Variants in PVT1 observed in about 807,000 individuals in gnomAD.
PVT1 encodes CXCR4/PVT1 fusion.
rs541266880 is a variant in PVT1, at chr8:127,949,986, C to T, written n.783-39176C>T. Among the ~76,000 whole-genome samples the T allele has an allele frequency of 3.5e-4, 54 of 152,356 alleles. 1 individual carries two copies. The highest frequency in any genetic ancestry group is 3.4e-3 in the Middle Eastern group (1 of 294). On this transcript the variant is annotated intron_variant and non_coding_transcript_variant, in intron 3 of 10. Transcript: ENST00000651587. Reference sequence around the variant, plus strand: ...TGAGGCTGTCCCCTGCCTTCCCTGGCGGCCCGGGTTCCTGGAAAAGCTGTG... The same window carrying T: ...TGAGGCTGTCCCCTGCCTTCCCTGGTGGCCCGGGTTCCTGGAAAAGCTGTG...
At chr8:128,050,229 A>G (rs531655310) in intron 4 of PVT1, among the ~76,000 whole-genome samples, 1 of 152,090 alleles carries the variant, frequency 6.6e-6, no homozygotes, top group Non-Finnish European at 1.5e-5. Flanking sequence ...GTTTCCTTCC[A>G]TCCCTTCCCC....
chr8:127,955,012 G>C (rs1816552756), intron 3 of PVT1, among the ~76,000 whole-genome samples: 1 of 152,212 alleles, frequency 6.6e-6, no homozygotes, highest in African/African-American at 2.4e-5. Context: ...TGTGTTATGG[G>C]CTGAATTGTG....
chr8:127,946,969 C>T (rs1195862765), intron 3 of PVT1: 2 of 152,168 alleles, frequency 1.3e-5, no homozygotes, highest in African/African-American at 4.8e-5. Context: ...GGAACAGTCC[C>T]GTTCATTTAT....
chr8:127,875,753 A>G (rs1022390367), intron 2 of PVT1, among the ~76,000 whole-genome samples: 1 of 152,208 alleles, frequency 6.6e-6, no homozygotes, highest in Non-Finnish European at 1.5e-5. Flanking sequence ...AGCTTCTAGC[A>G]ACTGCTTCCA....
At chr8:128,034,062 CTTT>C (rs79313778) in intron 4 of PVT1, among the ~76,000 whole-genome samples, 4 of 140,786 alleles carry the variant, frequency 2.8e-5, no homozygotes, top group African/African-American at 2.6e-5. Flanking sequence ...ACTTCTGCAC[CTTT>C]TTTTTTTTTT....
chr8:128,031,559 C>A (rs577107245), intron 4 of PVT1, among the ~76,000 whole-genome samples: 1 of 152,150 alleles, frequency 6.6e-6, no homozygotes, highest in South Asian at 2.1e-4. Context: ...TGAGTCCAAA[C>A]TCTTAGAGTT....
chr8:127,959,668 G>T (rs1816615495), intron 3 of PVT1, among the ~76,000 whole-genome samples: 1 of 151,790 alleles, frequency 6.6e-6, no homozygotes, highest in Non-Finnish European at 1.5e-5. Flanking sequence ...AGGAAAGGAG[G>T]CAGGAAACAG....
intron 3 of PVT1, among the ~76,000 whole-genome samples, chr8:127,969,897 G>A (rs1816744076): frequency 6.6e-6 from 1 of 152,214 alleles, no homozygotes; most frequent in African/African-American, 2.4e-5. Context: ...TGTCTGCAGA[G>A]GACAGAGCAG....
At chr8:127,945,680 C>T (rs915443124) in intron 3 of PVT1, among the ~76,000 whole-genome samples, 1 of 152,178 alleles carries the variant, frequency 6.6e-6, no homozygotes. Context: ...CCTTTTGTTG[C>T]CTTGAGTGTC....
chr8:127,979,156 T>C (rs1466427639), intron 3 of PVT1, among the ~76,000 whole-genome samples: 3 of 152,378 alleles, frequency 2.0e-5, no homozygotes, highest in Admixed American at 2.0e-4. Context: ...CATCTGGTCA[T>C]CATCTAATCA....
intron 2 of PVT1, among the ~76,000 whole-genome samples, chr8:127,854,134 G>A (rs1484534716): frequency 1.0e-4 from 15 of 143,788 alleles, no homozygotes; most frequent in South Asian, 2.3e-4. Context: ...TCACCCCTGC[G>A]GCAGCCGGGA....
In PVT1 at chr8:127,796,101, T is replaced by C. The variant is rs73351165; in HGVS notation, n.372+30T>C. The C allele has an allele frequency of 5.3e-3, 901 of 170,328 alleles. 11 individuals are homozygous for C. Among genetic ancestry groups the C allele is most frequent in the African/African-American group, 0.02 (839 of 41,642 alleles). The allele number at this position is 170,328 out of a possible 1,614,324, so 10.6% of individuals were successfully genotyped here. ...GACTGTGGGGTATATGCTGTACCCA[T>C]TGAATTCCCAGAGGGATTTGTTAAG... On this transcript the variant is annotated intron_variant and non_coding_transcript_variant, in intron 2 of 10. Coordinates refer to ENST00000651587, the Ensembl canonical transcript of PVT1.
intron 2 of PVT1, among the ~76,000 whole-genome samples, chr8:127,840,336 C>A (rs573415573): frequency 6.6e-6 from 1 of 152,156 alleles, no homozygotes; most frequent in African/African-American, 2.4e-5. Context: ...TCAGAGGAGA[C>A]GTCTGCCCAG....
intron 2 of PVT1, among the ~76,000 whole-genome samples, chr8:127,872,802 T>C (rs1353613331): frequency 6.6e-6 from 1 of 152,242 alleles, no homozygotes; most frequent in Non-Finnish European, 1.5e-5. Flanking sequence ...AAGGCCATCA[T>C]GAGAGTTACA....
chr8:127,993,250 A>G (rs1817064175), intron 4 of PVT1, among the ~76,000 whole-genome samples: 1 of 152,228 alleles, frequency 6.6e-6, no homozygotes, highest in Non-Finnish European at 1.5e-5. Context: ...AACATCTTTC[A>G]CTGATCATAC....
intron 3 of PVT1, among the ~76,000 whole-genome samples, chr8:127,956,400 G>C (rs1029367832): frequency 2.0e-5 from 3 of 152,248 alleles, no homozygotes; most frequent in Non-Finnish European, 4.4e-5. Flanking sequence ...GCTGTTGCAG[G>C]AGAAAGAACT....
chr8:127,914,020 A>T (rs1390724128), intron 3 of PVT1, among the ~76,000 whole-genome samples: 1 of 152,146 alleles, frequency 6.6e-6, no homozygotes, highest in African/African-American at 2.4e-5. Flanking sequence ...GAGGCAGCAT[A>T]CGAGTTTGCT....
intron 3 of PVT1, among the ~76,000 whole-genome samples, chr8:127,988,894 C>T (rs1221461900): frequency 6.6e-6 from 1 of 152,196 alleles, no homozygotes; most frequent in Non-Finnish European, 1.5e-5. Flanking sequence ...ACCCAACCAT[C>T]ACTTCTGCCC....
chr8:128,091,286 A>G (rs1814347979), intron 5 of PVT1, among the ~76,000 whole-genome samples: 1 of 152,108 alleles, frequency 6.6e-6, no homozygotes, highest in South Asian at 2.1e-4. Context: ...TGAGATGATT[A>G]TACAACCTGC....
Sources: allele counts gnomAD v4.1 joint callset (sites outside exome capture counted in the v4.1 genomes callset), GRCh38; gene constraint gnomAD v4.1.1; transcripts MANE v1.5; gene names NCBI Gene and HGNC (gene_info 2026-07-23, HGNC 2026-07-21).